Variants in ULK4 observed in about 807,000 individuals in gnomAD.
The protein encoded by ULK4 is inactive serine/threonine-protein kinase ULK4.
ULK4 carries 133 observed loss-of-function variants against 160.6 expected under a neutral mutation model. The observed-to-expected ratio is 0.83, with a 90% CI of 0.72 to 0.96. ULK4 has a LOEUF of 0.96. Among genes scored for constraint, ULK4 ranks in the 40% least tolerant of loss-of-function variants. The probability of loss-of-function intolerance (pLI) is 0.00; values close to 1 mark genes in which losing one functional copy is unlikely to be tolerated. For missense variants in ULK4, 1,580 were observed against 1,499.5 expected (o/e 1.05, Z -0.89); for synonymous variants, 534 against 539.8 (o/e 0.99, Z 0.15).
chr3:41,315,108 T>C (rs1055342058), intron 35 of ULK4, among the ~76,000 whole-genome samples: 4 of 152,162 alleles, frequency 2.6e-5, no homozygotes, highest in African/African-American at 9.7e-5. Flanking sequence ...GGAACAAGAG[T>C]GACATTGTTT....
chr3:41,897,044 A>C, intron 14 of ULK4, 41 bp from the exon 15 acceptor site: 1 of 1,518,626 alleles, frequency 6.6e-7, no homozygotes, highest in Non-Finnish European at 9.0e-7. Context: ...TATGATGAGA[A>C]AAAGAACTGC....
chr3:41,641,457 G>A (rs1053004048), intron 30 of ULK4, among the ~76,000 whole-genome samples: 1 of 152,182 alleles, frequency 6.6e-6, no homozygotes, highest in Non-Finnish European at 1.5e-5. Context: ...AGCACTTTGG[G>A]AGGCCAAGGT....
rs35263917 is a variant in ULK4, at chr3:41,911,360, T to C, written c.1042A>G (p.Ser348Gly). 0.14 allele frequency: 220,972 copies of C among 1,613,508 alleles called. 16,137 individuals carry two copies. Among genetic ancestry groups the C allele is most frequent in the Middle Eastern group, 0.22 (1,332 of 6,060 alleles). ...TCATTCAATTGACCCTCAAGAGTACTCTTAGGCCGAAACTCAGTTGGATTT... is the reference window on the plus strand; with the variant it reads ...TCATTCAATTGACCCTCAAGAGTACCCTTAGGCCGAAACTCAGTTGGATTT... ...LENPTEFRPK[S>G]TLEGQLNESM... Residue 348 changes from serine (S) to glycine (G), a missense_variant, in exon 11 of 37, where the codon AGT becomes GGT. Physicochemically the swap from Ser to Gly is moderately conservative, Grantham distance 56. Transcript: ENST00000301831.
intron 35 of ULK4, among the ~76,000 whole-genome samples, chr3:41,283,552 A>G (rs530491069): frequency 1.6e-4 from 25 of 152,302 alleles, no homozygotes; most frequent in African/African-American, 6.0e-4. Flanking sequence ...CAAGGACAAA[A>G]CCAAACACCA....
rs1332330289 is a variant in ULK4, at chr3:41,517,449, G to A, written c.3226+48576C>T. ...CTTCTGTTCCCTTCTGCCATTGGGA[G>A]GACACAGTAAGAGGCACCATCTTGG... On this transcript the variant is annotated intron_variant, in intron 32 of 36. Coordinates refer to ENST00000301831, the MANE Select transcript of ULK4 (RefSeq NM_017886.4). Among the ~76,000 whole-genome samples the A allele has an allele frequency of 5.9e-5, 9 of 152,126 alleles. No individual in the cohort carries two copies. In the South Asian group the frequency reaches 1.7e-3, roughly 28 times the overall value.
intron 35 of ULK4, among the ~76,000 whole-genome samples, chr3:41,350,991 C>G (rs1035637797): frequency 1.3e-5 from 2 of 152,168 alleles, no homozygotes; most frequent in African/African-American, 4.8e-5. Flanking sequence ...TTCTCTCATT[C>G]ATGTGGCAGA....
chr3:41,432,173 C>T (rs550723876), intron 34 of ULK4, among the ~76,000 whole-genome samples: 4 of 152,116 alleles, frequency 2.6e-5, no homozygotes, highest in Non-Finnish European at 5.9e-5. Context: ...AGTATACATA[C>T]ATTGGAAGAG....
At chr3:41,318,918 CAGTGTATGTTA>C (rs2080195833) in intron 35 of ULK4, among the ~76,000 whole-genome samples, 1 of 152,098 alleles carries the variant, frequency 6.6e-6, no homozygotes, top group Non-Finnish European at 1.5e-5. Context: ...AACCTACTTC[CAGTGTATGTTA>C]ATTTGGTTCT....
chr3:41,377,124 A>G (rs910591841), intron 35 of ULK4, among the ~76,000 whole-genome samples: 4 of 152,222 alleles, frequency 2.6e-5, no homozygotes, highest in African/African-American at 9.7e-5. Context: ...AGAAATTGGG[A>G]AAGGATTCCC....
chr3:41,517,089 G>T (rs774458302), intron 32 of ULK4, among the ~76,000 whole-genome samples: 4 of 152,080 alleles, frequency 2.6e-5, no homozygotes, highest in Non-Finnish European at 5.9e-5. Context: ...CAACAAAGAA[G>T]ATATACAGAT....
chr3:41,416,366 G>C (rs2082526037), intron 34 of ULK4, among the ~76,000 whole-genome samples: 1 of 151,922 alleles, frequency 6.6e-6, no homozygotes, highest in African/African-American at 2.4e-5. Flanking sequence ...TCATTACATT[G>C]TGGCAAGCAC....
At chr3:41,417,888 T>C (rs1384962277) in intron 34 of ULK4, among the ~76,000 whole-genome samples, 2 of 152,186 alleles carry the variant, frequency 1.3e-5, no homozygotes, top group Admixed American at 6.5e-5. Context: ...TTAAAGCCAC[T>C]TGAAAAACAG....
intron 31 of ULK4, among the ~76,000 whole-genome samples, chr3:41,609,525 T>C (rs904550953): frequency 5.3e-5 from 8 of 152,368 alleles, no homozygotes; most frequent in Non-Finnish European, 1.0e-4. Flanking sequence ...GTCATCTTTG[T>C]ATACAACAAA....
intron 9 of ULK4, 50 bp downstream of exon 9, chr3:41,912,757 C>T (rs1313370813): frequency 2.7e-6 from 4 of 1,502,672 alleles, no homozygotes. Flanking sequence ...CAGTAATGGG[C>T]TTAAGTGTCC....
chr3:41,800,718 G>A (rs892496292), intron 19 of ULK4, among the ~76,000 whole-genome samples: 9 of 152,146 alleles, frequency 5.9e-5, no homozygotes, highest in African/African-American at 9.7e-5. Flanking sequence ...TCTGAGCACC[G>A]ATCAATCAGA....
intron 34 of ULK4, among the ~76,000 whole-genome samples, chr3:41,408,427 CAAAAAAAAAAAAA>C (rs59444673): frequency 6.8e-5 from 3 of 44,104 alleles, no homozygotes; most frequent in Non-Finnish European, 1.4e-4. Flanking sequence ...GACTCCATCT[CAAAAAAAAAAAAA>C]AAAAAAAAAA....
chr3:41,515,348 T>C (rs967088732), intron 32 of ULK4, among the ~76,000 whole-genome samples: 1 of 152,094 alleles, frequency 6.6e-6, no homozygotes, highest in African/African-American at 2.4e-5. Flanking sequence ...AACTGTCATA[T>C]ATTCATATAA....
chr3:41,590,461 CAAA>C (rs71075479), intron 31 of ULK4, among the ~76,000 whole-genome samples: 8 of 56,886 alleles, frequency 1.4e-4, no homozygotes, highest in African/African-American at 5.5e-4. Flanking sequence ...ACTAAAAATA[CAAA>C]AAAAAAAAAA....
chr3:41,507,113 C>CAAGTACCT (rs1204715923), intron 32 of ULK4, among the ~76,000 whole-genome samples: 8 of 99,048 alleles, frequency 8.1e-5, no homozygotes, highest in Middle Eastern at 8.3e-3. Context: ...AAAAGGTAGA[C>CAAGTACCT]AAGTACCTTA....
Sources: gnomAD v4.1 joint callset for allele counts (sites outside exome capture counted in the v4.1 genomes callset) on GRCh38, gnomAD v4.1.1 for gene constraint, MANE v1.5 for transcripts, NCBI Gene and HGNC (gene_info 2026-07-23, HGNC 2026-07-21) for gene names.